CAMTA1: variants seen among roughly 807,000 people sequenced by gnomAD.
The protein encoded by CAMTA1 is calmodulin binding transcription activator 1, also known as calmodulin-binding transcription activator 1.
CAMTA1 carries 27 observed loss-of-function variants against 170.9 expected under a neutral mutation model. The ratio of observed to expected loss-of-function variants is 0.16; its 90% CI spans 0.12 to 0.22. The LOEUF is 0.22. Ranked by LOEUF, CAMTA1 falls within the 10% of genes least tolerant of loss-of-function variation. The pLI, the probability that CAMTA1 is intolerant of heterozygous loss-of-function variation, is 1.00. For synonymous variants in CAMTA1, 833 were observed against 891.5 expected (o/e 0.93, Z 1.17); for missense variants, 1,619 against 2,217.2 (o/e 0.73, Z 5.42).
At chr1:7,094,402 C>T (rs557438178) in intron 4 of CAMTA1, among the ~76,000 whole-genome samples, 22 of 152,274 alleles carry the variant, frequency 1.4e-4, no homozygotes, top group African/African-American at 4.8e-4. Flanking sequence ...TTGCTGCTGC[C>T]GCCGCCACTG....
chr1:7,471,514 T>G (rs1324617539), intron 6 of CAMTA1, among the ~76,000 whole-genome samples: 1 of 152,232 alleles, frequency 6.6e-6, no homozygotes, highest in African/African-American at 2.4e-5. Context: ...TGCTGGGGGC[T>G]CTGTGTCACA....
chr1:7,040,613 G>A (rs1260067613), intron 3 of CAMTA1, among the ~76,000 whole-genome samples: 1 of 152,058 alleles, frequency 6.6e-6, no homozygotes, highest in Non-Finnish European at 1.5e-5. Context: ...TAAGCAGGGA[G>A]TCAGGGGTCA....
chr1:7,261,308 A>G (rs1305630556), intron 5 of CAMTA1, among the ~76,000 whole-genome samples: 1 of 151,952 alleles, frequency 6.6e-6, no homozygotes, highest in East Asian at 1.9e-4. Context: ...TTGTGTTTCT[A>G]TTGATAACTT....
intron 5 of CAMTA1, among the ~76,000 whole-genome samples, chr1:7,358,395 A>C (rs1481260733): frequency 6.6e-6 from 1 of 152,228 alleles, no homozygotes; most frequent in African/African-American, 2.4e-5. Context: ...ATAATTAGTA[A>C]TAAACTCATC....
intron 5 of CAMTA1, among the ~76,000 whole-genome samples, chr1:7,344,821 C>T (rs939353749): frequency 6.6e-6 from 1 of 150,584 alleles, no homozygotes; most frequent in African/African-American, 2.4e-5. Flanking sequence ...GATCTTGGCT[C>T]ACTGCAAGCT....
At chr1:7,082,883 A>G (rs1640218143) in intron 3 of CAMTA1, among the ~76,000 whole-genome samples, 1 of 152,122 alleles carries the variant, frequency 6.6e-6, no homozygotes, top group Non-Finnish European at 1.5e-5. Context: ...TTTGCACTTG[A>G]ATGTGATAGC....
In CAMTA1 at chr1:7,590,848, G is replaced by A. The variant is rs117448776; in HGVS notation, c.511-49552G>A. Among the ~76,000 whole-genome samples the A allele has an allele frequency of 6.1e-3, 936 of 152,334 alleles. 31 individuals are homozygous for A. In the East Asian group the frequency reaches 0.099, roughly 16 times the overall value. ...AGAGCTGACGGCAGGGCTTTTCCAGGAGGCCGTCTGAGAATCAGGATCACC... is the reference window on the plus strand; with the variant it reads ...AGAGCTGACGGCAGGGCTTTTCCAGAAGGCCGTCTGAGAATCAGGATCACC... On this transcript the variant is annotated intron_variant, in intron 6 of 22. Coordinates refer to ENST00000303635, the MANE Select transcript of CAMTA1 (RefSeq NM_015215.4).
chr1:7,048,102 G>T (rs1705702295), intron 3 of CAMTA1, among the ~76,000 whole-genome samples: 1 of 152,094 alleles, frequency 6.6e-6, no homozygotes, highest in South Asian at 2.1e-4. Context: ...GAGGGGAGGG[G>T]GGTGGTCATG....
intron 11 of CAMTA1, among the ~76,000 whole-genome samples, chr1:7,711,812 A>G (rs966489181): frequency 2.6e-5 from 4 of 152,216 alleles, no homozygotes; most frequent in African/African-American, 9.7e-5. Flanking sequence ...TGATGTAAAA[A>G]ATAGGAAGTA....
chr1:7,147,764 AC>A (rs1441171318), intron 4 of CAMTA1, among the ~76,000 whole-genome samples: 3 of 150,820 alleles, frequency 2.0e-5, no homozygotes, highest in Non-Finnish European at 4.4e-5. Flanking sequence ...AAACTCATAT[AC>A]CATGCACACA....
intron 6 of CAMTA1, among the ~76,000 whole-genome samples, chr1:7,571,009 A>C (rs7530379): frequency 0.074 from 11,240 of 152,264 alleles, 1,317 homozygotes; most frequent in African/African-American, 0.25. Flanking sequence ...TGTCCCTCCC[A>C]GAGCCAGGCC....
At chr1:7,209,037 G>T (rs1450074452) in intron 4 of CAMTA1, among the ~76,000 whole-genome samples, 1 of 152,136 alleles carries the variant, frequency 6.6e-6, no homozygotes, top group Non-Finnish European at 1.5e-5. Flanking sequence ...CTTTAACCAT[G>T]ATTCAAGGCC....
intron 3 of CAMTA1, among the ~76,000 whole-genome samples, chr1:7,040,024 T>C (rs538615381): frequency 6.6e-6 from 1 of 152,206 alleles, no homozygotes; most frequent in East Asian, 1.9e-4. Flanking sequence ...TGTTAAGTGC[T>C]ATCAGAAGGC....
intron 5 of CAMTA1, among the ~76,000 whole-genome samples, chr1:7,421,605 A>C (rs1337879327): frequency 6.6e-6 from 1 of 152,186 alleles, no homozygotes; most frequent in Non-Finnish European, 1.5e-5. Context: ...AACTGGAGGT[A>C]ACAACGGCCT....
At chr1:7,277,734 A>G (rs1670946230) in intron 5 of CAMTA1, among the ~76,000 whole-genome samples, 1 of 151,792 alleles carries the variant, frequency 6.6e-6, no homozygotes, top group Non-Finnish European at 1.5e-5. Context: ...TATGATGTCC[A>G]TCTTTCTGAA....
intron 5 of CAMTA1, among the ~76,000 whole-genome samples, chr1:7,256,121 G>A (rs1667328440): frequency 6.6e-6 from 1 of 152,166 alleles, no homozygotes; most frequent in Non-Finnish European, 1.5e-5. Context: ...ATGTGTTTTG[G>A]TAGAATCAAT....
chr1:7,401,846 G>A (rs1443990251), intron 5 of CAMTA1, among the ~76,000 whole-genome samples: 1 of 152,004 alleles, frequency 6.6e-6, no homozygotes, highest in African/African-American at 2.4e-5. Context: ...GGTCTTTATG[G>A]CTCCACATCC....
At chr1:7,369,963 A>G (rs1365158220) in intron 5 of CAMTA1, 1 of 151,582 alleles carries the variant, frequency 6.6e-6, no homozygotes, top group Non-Finnish European at 1.5e-5. Flanking sequence ...TCCCTGATAG[A>G]CTCTTCTCAC....
At chr1:6,865,767 T>C (rs1053546076) in intron 3 of CAMTA1, among the ~76,000 whole-genome samples, 1 of 151,876 alleles carries the variant, frequency 6.6e-6, no homozygotes, top group South Asian at 2.1e-4. Context: ...ATGAAGAAAG[T>C]GAGACCTTAG....
Sources: allele counts gnomAD v4.1 joint callset (sites outside exome capture counted in the v4.1 genomes callset), GRCh38; gene constraint gnomAD v4.1.1; transcripts MANE v1.5; gene names NCBI Gene and HGNC (gene_info 2026-07-23, HGNC 2026-07-21).